The following SNTG1 variants were observed in gnomAD, a reference collection of about 807,000 sequenced individuals.
SNTG1 encodes the protein gamma-1-syntrophin.
Under a neutral mutation model 74.7 loss-of-function variants are expected in SNTG1, and 39 were observed. That is an observed-to-expected ratio of 0.52 (90% CI 0.40 to 0.68). The LOEUF is 0.68. Ranked by LOEUF, SNTG1 falls within the 30% of genes least tolerant of loss-of-function variation. The probability of loss-of-function intolerance (pLI) is 0.00; values close to 1 mark genes in which losing one functional copy is unlikely to be tolerated. For synonymous variants in SNTG1, 254 were observed against 217.1 expected (o/e 1.17, Z -1.49); for missense variants, 685 against 609.5 (o/e 1.12, Z -1.30).
rs146566435 is a variant in SNTG1, at chr8:50,559,165, G to T, written c.810+5986G>T. On this transcript the variant is annotated intron_variant, in intron 12 of 18. Coordinates refer to ENST00000642720, the MANE Select transcript of SNTG1 (RefSeq NM_018967.5). ...GTCAGAAGGAGTAAATAGTACAGGA[G>T]AAAATGAATACATAGATGAATCTAG... 4.0e-3 allele frequency among the ~76,000 whole-genome samples: 608 copies of T among 152,190 alleles called. 4 individuals carry two copies. Among genetic ancestry groups the T allele is most frequent in the African/African-American group, 0.014 (569 of 41,546 alleles).
At chr8:50,143,620 T>G (rs1010281551) in intron 1 of SNTG1, among the ~76,000 whole-genome samples, 1 of 152,222 alleles carries the variant, frequency 6.6e-6, no homozygotes, top group Non-Finnish European at 1.5e-5. Flanking sequence ...TTTGCTCAGA[T>G]GCAAGTTTGA....
At chr8:49,993,963 A>G (rs1396378328) in intron 1 of SNTG1, among the ~76,000 whole-genome samples, 4 of 152,164 alleles carry the variant, frequency 2.6e-5, no homozygotes, top group Middle Eastern at 3.2e-3. Flanking sequence ...ATATGGGGAA[A>G]GTTCTCTTCC....
chr8:50,534,288 C>T (rs2094291815), intron 10 of SNTG1, among the ~76,000 whole-genome samples: 1 of 151,994 alleles, frequency 6.6e-6, no homozygotes, highest in Non-Finnish European at 1.5e-5. Flanking sequence ...TGTGTGTGCA[C>T]TGGGGTTCTG....
chr8:49,978,968 G>A (rs1032285803), intron 1 of SNTG1, among the ~76,000 whole-genome samples: 35 of 152,166 alleles, frequency 2.3e-4, no homozygotes, highest in African/African-American at 8.4e-4. Context: ...GATGAATAAA[G>A]GTAATCTTCT....
upstream of SNTG1, chr8:49,909,800 G>C (rs1805491563): frequency 6.6e-6 from 1 of 152,350 alleles, no homozygotes; most frequent in Admixed American, 6.5e-5. Flanking sequence ...CCTTCCAGCC[G>C]GAGCTCGCGA....
Position 50,537,470 on chromosome 8 carries a change from A to G in SNTG1, c.680+662A>G, listed in dbSNP as rs906237380. Among the ~76,000 whole-genome samples the G allele has an allele frequency of 1.2e-4, 18 of 152,204 alleles. 1 individual carries two copies. The highest frequency in any genetic ancestry group is 1.0e-3 in the Admixed American group (16 of 15,276). ...TATTATCTATTTTAGTAAGTGTAAG[A>G]TAAGTAGTGCCCTCCTTTTCATTCT... On this transcript the variant is annotated intron_variant, in intron 11 of 18. Coordinates refer to ENST00000642720, the MANE Select transcript of SNTG1 (RefSeq NM_018967.5).
intron 1 of SNTG1, among the ~76,000 whole-genome samples, chr8:49,990,737 A>G (rs167630): frequency 0.88 from 133,727 of 152,030 alleles, 58,996 homozygotes; most frequent in East Asian, 1. Context: ...AGCAGTGCCA[A>G]GACACATGTA....
chr8:50,203,748 A>ATGTGTGTGTGTGTTTC (rs1554604315), intron 2 of SNTG1, among the ~76,000 whole-genome samples: 2,720 of 151,478 alleles, frequency 0.018, 38 homozygotes, highest in Non-Finnish European at 0.027. Context: ...AGAATTAAAT[A>ATGTGTGTGTGTGTTTC]TGTGTGTGTG....
At chr8:50,194,148 T>G (rs1048082507) in intron 2 of SNTG1, among the ~76,000 whole-genome samples, 1 of 152,130 alleles carries the variant, frequency 6.6e-6, no homozygotes, top group Non-Finnish European at 1.5e-5. Context: ...GTTATGTCCT[T>G]TCCTGGTTTA....
intron 2 of SNTG1, among the ~76,000 whole-genome samples, chr8:50,376,791 G>T (rs1033086257): frequency 7.9e-6 from 1 of 127,254 alleles, no homozygotes; most frequent in Non-Finnish European, 1.8e-5. Flanking sequence ...AGAGAATAGT[G>T]CTTCCCCAAG....
At chr8:50,450,809 C>A (rs565549624) in intron 8 of SNTG1, 80 bp downstream of exon 8, 4 of 1,345,062 alleles carry the variant, frequency 3.0e-6, no homozygotes, top group African/African-American at 1.4e-5. Flanking sequence ...ACTGTCACTT[C>A]ATTCATTAGG....
intron 2 of SNTG1, among the ~76,000 whole-genome samples, chr8:50,296,728 A>C (rs1159858450): frequency 6.6e-6 from 1 of 152,172 alleles, no homozygotes; most frequent in Admixed American, 6.6e-5. Context: ...ATGTAAACCT[A>C]TGTAACAAAC....
intron 1 of SNTG1, among the ~76,000 whole-genome samples, chr8:50,115,567 C>CAAAAAAAAAAAAAAAAAAAAAAAAAAAA (rs11386539): frequency 4.9e-5 from 2 of 40,534 alleles, no homozygotes; most frequent in African/African-American, 1.3e-4. Context: ...GACTCTGTCT[C>CAAAAAAAAAAAAAAAAAAAAAAAAAAAA]AAAAAAAAAA....
intron 1 of SNTG1, among the ~76,000 whole-genome samples, chr8:50,016,414 G>T (rs1449122755): frequency 6.6e-6 from 1 of 152,096 alleles, no homozygotes; most frequent in Non-Finnish European, 1.5e-5. Context: ...ACCATAGAGT[G>T]GTCAACGTTG....
At chr8:50,215,551 ATTG>A (rs1025782777) in intron 2 of SNTG1, among the ~76,000 whole-genome samples, 86 of 150,466 alleles carry the variant, frequency 5.7e-4, no homozygotes, top group Admixed American at 1.8e-3. Context: ...TTTTATTATA[ATTG>A]TTATTTCAAG....
chr8:50,774,602 GATA>G (rs910080961), intron 18 of SNTG1, among the ~76,000 whole-genome samples: 7 of 151,828 alleles, frequency 4.6e-5, no homozygotes, highest in Admixed American at 2.6e-4. Flanking sequence ...ATAATTTTTA[GATA>G]ATAACTTGAA....
chr8:50,519,021 A>G (rs1197865683), intron 9 of SNTG1, among the ~76,000 whole-genome samples: 1 of 152,204 alleles, frequency 6.6e-6, no homozygotes, highest in Non-Finnish European at 1.5e-5. Context: ...TTGCAGGCCA[A>G]TATCACTGAT....
chr8:50,532,488 T>G (rs751953310), intron 10 of SNTG1, among the ~76,000 whole-genome samples: 10 of 151,828 alleles, frequency 6.6e-5, no homozygotes, highest in African/African-American at 2.4e-4. Context: ...AGATAAAGAG[T>G]TGTAGAGACT....
intron 1 of SNTG1, among the ~76,000 whole-genome samples, chr8:50,135,165 T>A (rs974669780): frequency 2.6e-5 from 4 of 152,134 alleles, no homozygotes; most frequent in Non-Finnish European, 5.9e-5. Flanking sequence ...AGAAAAGGCA[T>A]GAAAAGTCAA....
Sources: gnomAD v4.1 joint callset for allele counts (sites outside exome capture counted in the v4.1 genomes callset) on GRCh38, gnomAD v4.1.1 for gene constraint, MANE v1.5 for transcripts, NCBI Gene and HGNC (gene_info 2026-07-23, HGNC 2026-07-21) for gene names.